Variants in MEMO1 observed in about 807,000 individuals in gnomAD.
The protein encoded by MEMO1 is protein MEMO1.
MEMO1 carries 6 observed loss-of-function variants against 45.2 expected under a neutral mutation model. The observed-to-expected ratio is 0.13, with a 90% CI of 0.07 to 0.26. The LOEUF is 0.26. Among genes scored for constraint, MEMO1 ranks in the 10% least tolerant of loss-of-function variants. MEMO1 has a pLI of 1.00. For synonymous variants in MEMO1, 78 were observed against 124.3 expected (o/e 0.63, Z 2.48); for missense variants, 184 against 370.5 (o/e 0.50, Z 4.13).
At chr2:31,921,447 C>T (rs968196132) in intron 4 of MEMO1, among the ~76,000 whole-genome samples, 10 of 152,246 alleles carry the variant, frequency 6.6e-5, no homozygotes, top group Admixed American at 4.6e-4. Context: ...TTAAGAGAAT[C>T]ATATTCAATA....
At chr2:31,947,852 G>C (rs1285023629) in intron 2 of MEMO1, among the ~76,000 whole-genome samples, 1 of 152,066 alleles carries the variant, frequency 6.6e-6, no homozygotes, top group Non-Finnish European at 1.5e-5. Flanking sequence ...GAATTCCCTT[G>C]CAACTATTAA....
intron 4 of MEMO1, chr2:31,923,391 A>C (rs1033629656): frequency 3.4e-6 from 1 of 294,758 alleles, no homozygotes; most frequent in Non-Finnish European, 6.2e-6. Flanking sequence ...ATATGTAATT[A>C]TTAGCACTGC....
At chr2:31,982,196 C>T (rs1371666662) in intron 2 of MEMO1, among the ~76,000 whole-genome samples, 1 of 151,238 alleles carries the variant, frequency 6.6e-6, no homozygotes, top group African/African-American at 2.4e-5. Context: ...ACTCGGGAGG[C>T]TGAGTCAGGA....
intron 3 of MEMO1, among the ~76,000 whole-genome samples, chr2:31,940,414 C>T (rs974773292): frequency 3.3e-5 from 5 of 152,292 alleles, no homozygotes; most frequent in Non-Finnish European, 5.9e-5. Context: ...AGATTCTATA[C>T]GAACACTTCA....
intron 2 of MEMO1, among the ~76,000 whole-genome samples, chr2:32,008,055 T>C (rs980070342): frequency 4.6e-5 from 7 of 152,224 alleles, no homozygotes; most frequent in African/African-American, 1.7e-4. Flanking sequence ...GAAATAAGAA[T>C]ATACTTAGAA....
chr2:31,945,351 C>A (rs1023079633), intron 2 of MEMO1, among the ~76,000 whole-genome samples: 1 of 152,160 alleles, frequency 6.6e-6, no homozygotes, highest in African/African-American at 2.4e-5. Flanking sequence ...ATCCTATGAA[C>A]ATATGTTAAC....
At chr2:31,971,049 A>G (rs1669337186) in intron 2 of MEMO1, among the ~76,000 whole-genome samples, 1 of 152,180 alleles carries the variant, frequency 6.6e-6, no homozygotes, top group South Asian at 2.1e-4. Flanking sequence ...AAATTAGACC[A>G]AAAGAGTTTA....
chr2:31,946,673 C>T (rs1041936515), intron 2 of MEMO1, among the ~76,000 whole-genome samples: 10 of 152,016 alleles, frequency 6.6e-5, no homozygotes, highest in African/African-American at 2.2e-4. Context: ...ACCACCCTGG[C>T]CAACATGGTG....
intron 2 of MEMO1, among the ~76,000 whole-genome samples, chr2:31,986,915 A>G (rs1671329352): frequency 6.6e-6 from 1 of 152,374 alleles, no homozygotes; most frequent in Admixed American, 6.5e-5. Flanking sequence ...TGGGGAAAGC[A>G]ATGTCTCGGA....
chr2:31,912,172 T>C lies in MEMO1; in HGVS notation c.437+5754A>G, dbSNP rs182672123. Among the ~76,000 whole-genome samples, 479 of 152,030 alleles carry C rather than the reference T, an allele frequency of 3.2e-3. 2 individuals are homozygous for C. Among genetic ancestry groups the C allele is most frequent in the African/African-American group, 0.011 (447 of 41,510 alleles). ...CAACAGGGTGAAACCCTGTCTCTACTAAAAATACAAAAAAATTAGCTGGCG... is the reference window on the plus strand; with the variant it reads ...CAACAGGGTGAAACCCTGTCTCTACCAAAAATACAAAAAAATTAGCTGGCG... On this transcript the variant is annotated intron_variant, in intron 6 of 9. Coordinates refer to ENST00000404530, the MANE Select transcript of MEMO1 (RefSeq NM_001301833.4).
chr2:31,966,854 T>C (rs950478456), intron 2 of MEMO1, among the ~76,000 whole-genome samples: 2 of 152,142 alleles, frequency 1.3e-5, no homozygotes, highest in Middle Eastern at 3.2e-3. Flanking sequence ...TACACCAATA[T>C]GCTTTCAGTG....
Position 31,993,949 on chromosome 2 carries a change from C to CTTTTTTTTTTTTT in MEMO1, c.61+16225_61+16237dup, listed in dbSNP as rs397800267. Among the ~76,000 whole-genome samples the CTTTTTTTTTTTTT allele has an allele frequency of 5.8e-4, 43 of 73,610 alleles. 5 individuals are homozygous for CTTTTTTTTTTTTT. The highest frequency in any genetic ancestry group is 8.8e-4 in the African/African-American group (18 of 20,526). The allele number at this position is 73,610 out of a possible 152,430, so 48.3% of individuals were successfully genotyped here. On this transcript the variant is annotated intron_variant, in intron 2 of 9. Transcript: ENST00000404530. ...AATACAGAAATATCATCAATACTTTCTTTTTTTTTTTTTTTTTTTTTTTTT... is the reference window on the plus strand; with the variant it reads ...AATACAGAAATATCATCAATACTTTCTTTTTTTTTTTTTTTTTTTTTTTTTTTTTTTTTTTTTT...
At chr2:31,963,048 CTT>C in intron 2 of MEMO1, 1 of 1,302,792 alleles carries the variant, frequency 7.7e-7, no homozygotes, top group Non-Finnish European at 1.0e-6. Flanking sequence ...TTTCTTCTGC[CTT>C]CACCTTCAAA....
At chr2:31,936,029 T>C (rs1664879064) in intron 3 of MEMO1, among the ~76,000 whole-genome samples, 1 of 152,108 alleles carries the variant, frequency 6.6e-6, no homozygotes, top group Admixed American at 6.5e-5. Context: ...AGTGGCCACA[T>C]CTCGGCTCAC....
intron 3 of MEMO1, among the ~76,000 whole-genome samples, chr2:31,939,002 C>T (rs1665288111): frequency 6.6e-6 from 1 of 151,424 alleles, no homozygotes; most frequent in South Asian, 2.1e-4. Flanking sequence ...ACAGGCTAGT[C>T]TCAAACTCCT....
At chr2:31,905,029 T>C (rs1248860007) in intron 6 of MEMO1, among the ~76,000 whole-genome samples, 1 of 150,382 alleles carries the variant, frequency 6.6e-6, no homozygotes, top group Non-Finnish European at 1.5e-5. Flanking sequence ...AGCCCAGGAG[T>C]TCAAGAAAAG....
intron 2 of MEMO1, among the ~76,000 whole-genome samples, chr2:31,949,159 G>A (rs1375744073): frequency 6.6e-6 from 1 of 152,196 alleles, no homozygotes; most frequent in Non-Finnish European, 1.5e-5. Context: ...TACACTGTTG[G>A]TGGGAATCTA....
chr2:31,881,519 A>C (rs1429639287), intron 8 of MEMO1, among the ~76,000 whole-genome samples: 2 of 140,310 alleles, frequency 1.4e-5, no homozygotes, highest in South Asian at 2.2e-4. Context: ...AAAAAAAAAA[A>C]CAGAAAAAGG....
chr2:31,871,746 G>C (rs1673783887), intron 8 of MEMO1, among the ~76,000 whole-genome samples: 1 of 152,082 alleles, frequency 6.6e-6, no homozygotes. Flanking sequence ...AGGTACAGTG[G>C]CTCATGCCTA....
Sources: allele counts gnomAD v4.1 joint callset (sites outside exome capture counted in the v4.1 genomes callset), GRCh38; gene constraint gnomAD v4.1.1; transcripts MANE v1.5; gene names NCBI Gene and HGNC (gene_info 2026-07-23, HGNC 2026-07-21).